Variants in APBA1 observed in about 807,000 individuals in gnomAD.
APBA1 encodes the protein amyloid beta precursor protein binding family A member 1.
Under a neutral mutation model 86.6 loss-of-function variants are expected in APBA1, and 55 were observed. That is an observed-to-expected ratio of 0.64 (90% CI 0.51 to 0.80). APBA1 has a LOEUF of 0.80. Ranked by LOEUF, APBA1 falls within the 30% of genes least tolerant of loss-of-function variation. The pLI is 0.00. For missense variants in APBA1, 1,090 were observed against 1,183.0 expected (o/e 0.92, Z 1.15); for synonymous variants, 511 against 493.9 (o/e 1.03, Z -0.46).
At chr9:69,432,870 C>T (rs1236239229) in intron 11 of APBA1, among the ~76,000 whole-genome samples, 194 bp from the exon 12 acceptor site, 1 of 152,218 alleles carries the variant, frequency 6.6e-6, no homozygotes, top group Non-Finnish European at 1.5e-5. Flanking sequence ...CCACCTTGTT[C>T]ATGCGGCTTG....
intron 2 of APBA1, among the ~76,000 whole-genome samples, chr9:69,486,688 A>G (rs1294403955): frequency 6.6e-6 from 1 of 151,918 alleles, no homozygotes; most frequent in African/African-American, 2.4e-5. Flanking sequence ...GCAGAGGAAG[A>G]TACTGGAAAC....
At chr9:69,467,348 A>T (rs1283542306) in intron 5 of APBA1, among the ~76,000 whole-genome samples, 2 of 152,178 alleles carry the variant, frequency 1.3e-5, no homozygotes, top group Non-Finnish European at 2.9e-5. Flanking sequence ...GCCAGGTTAG[A>T]TTTGATCAAA....
intron 4 of APBA1, among the ~76,000 whole-genome samples, chr9:69,469,192 C>T (rs1480787959): frequency 6.6e-6 from 1 of 152,174 alleles, no homozygotes; most frequent in Non-Finnish European, 1.5e-5. Context: ...ACTGGTACAT[C>T]TGCAGAGACT....
intron 3 of APBA1, chr9:69,472,599 T>TG (rs1426773577): frequency 6.6e-6 from 1 of 152,274 alleles, no homozygotes; most frequent in African/African-American, 2.4e-5. Flanking sequence ...AGGTAAGGTT[T>TG]GCATGGCCAA....
chr9:69,579,200 T>A (rs1174430023), intron 1 of APBA1, among the ~76,000 whole-genome samples: 1 of 152,054 alleles, frequency 6.6e-6, no homozygotes, highest in Admixed American at 6.6e-5. Flanking sequence ...CAGCACCCTA[T>A]ACTCTACATA....
Position 69,458,961 on chromosome 9 carries a change from C to T in APBA1, c.1483-773G>A, listed in dbSNP as rs1041094361. On this transcript the variant is annotated intron_variant, in intron 5 of 12. Transcript: ENST00000265381. Reference sequence around the variant, plus strand: ...AGCTGGGATTATAGGCATGCGCCACCACGCCTGGCTAGTTTTTGTATTTTT... The same window carrying T: ...AGCTGGGATTATAGGCATGCGCCACTACGCCTGGCTAGTTTTTGTATTTTT... Among the ~76,000 whole-genome samples, 4 of 152,276 alleles carry T rather than the reference C, an allele frequency of 2.6e-5. No homozygotes were observed. In the South Asian group the frequency reaches 8.3e-4, roughly 32 times the overall value.
chr9:69,517,555 G>A (rs1176545466), intron 1 of APBA1, among the ~76,000 whole-genome samples: 1 of 152,012 alleles, frequency 6.6e-6, no homozygotes, highest in Non-Finnish European at 1.5e-5. Flanking sequence ...CCACGCATAC[G>A]ATTCAGGTCC....
chr9:69,559,917 T>G (rs944168795), intron 1 of APBA1, among the ~76,000 whole-genome samples: 2 of 152,098 alleles, frequency 1.3e-5, no homozygotes, highest in African/African-American at 4.8e-5. Context: ...TGAGACAATC[T>G]CCCCCAAGCA....
chr9:69,621,680 A>G (rs1226654973), intron 1 of APBA1, among the ~76,000 whole-genome samples: 3 of 109,020 alleles, frequency 2.8e-5, no homozygotes, highest in Non-Finnish European at 5.6e-5. Context: ...ATAAATTCAT[A>G]TATATATCAA....
chr9:69,434,200 A>C (rs1053287354), intron 11 of APBA1, among the ~76,000 whole-genome samples: 5 of 152,216 alleles, frequency 3.3e-5, no homozygotes, highest in Admixed American at 2.6e-4. Context: ...GACTCTGTGC[A>C]GCCAGGGTGG....
At position 69,589,350 on chromosome 9, in the gene APBA1, A is replaced by G. The variant is rs147920649; in HGVS notation, c.-69-72071T>C. Among the ~76,000 whole-genome samples the G allele has an allele frequency of 6.8e-4, 104 of 152,312 alleles. No homozygotes were observed. In the East Asian group the frequency reaches 0.011, roughly 17 times the overall value. On this transcript the variant is annotated intron_variant, in intron 1 of 12. Coordinates refer to ENST00000265381, the MANE Select transcript of APBA1 (RefSeq NM_001163.4). ...TGCTTGATTCCATTGCTCATGGGAAAAGACCAAATGACGTGATGCTAGGCC... is the reference window on the plus strand; with the variant it reads ...TGCTTGATTCCATTGCTCATGGGAAGAGACCAAATGACGTGATGCTAGGCC...
At chr9:69,664,951 C>T (rs1325984613) in intron 1 of APBA1, among the ~76,000 whole-genome samples, 1 of 152,186 alleles carries the variant, frequency 6.6e-6, no homozygotes, top group East Asian at 1.9e-4. Context: ...TACCTCTGTG[C>T]TGTGTTAAAC....
Position 69,456,263 on chromosome 9 carries a change from A to G in APBA1, c.1772T>C (p.Val591Ala), listed in dbSNP as rs1035203109. ...AACCCTTACATCCTCAGACTCGAAG[A>G]CGTGGCAGATCATCTTGTACTGCCT... is the stretch of plus-strand genomic sequence containing the variant. Reference protein sequence around the residue: ...GKRQYKMICHVFESEDAQLIA... With the variant: ...GKRQYKMICHAFESEDAQLIA... Residue 591 changes from valine to alanine, a missense_variant, in exon 8 of 13, where the codon GTC becomes GCC. Coordinates refer to ENST00000265381, the MANE Select transcript of APBA1 (RefSeq NM_001163.4). 6.2e-6 allele frequency: 10 copies of G among 1,614,220 alleles called. No homozygotes were observed. Among genetic ancestry groups the G allele is most frequent in the Non-Finnish European group, 1.7e-6 (2 of 1,180,038 alleles).
At chr9:69,607,580 C>T (rs984688782) in intron 1 of APBA1, among the ~76,000 whole-genome samples, 10 of 152,146 alleles carry the variant, frequency 6.6e-5, no homozygotes, top group Non-Finnish European at 1.5e-4. Flanking sequence ...CTAAGCTTTA[C>T]CCTATGCACT....
At chr9:69,515,871 A>G (rs751208639) in intron 2 of APBA1, 140 bp downstream of exon 2, 9 of 870,068 alleles carry the variant, frequency 1.0e-5, no homozygotes, top group Non-Finnish European at 1.5e-5. Context: ...GCTGTTTCTG[A>G]GGCTTACGGT....
chr9:69,435,044 T>C (rs1414227186), intron 11 of APBA1, among the ~76,000 whole-genome samples: 1 of 148,940 alleles, frequency 6.7e-6, no homozygotes, highest in African/African-American at 2.5e-5. Context: ...GAACATGCAG[T>C]GTTGGTTTTT....
At chr9:69,534,339 G>A (rs1317263158) in intron 1 of APBA1, among the ~76,000 whole-genome samples, 1 of 152,104 alleles carries the variant, frequency 6.6e-6, no homozygotes, top group Non-Finnish European at 1.5e-5. Context: ...CTGGGACCAT[G>A]GTTAGTTCTA....
intron 1 of APBA1, among the ~76,000 whole-genome samples, chr9:69,616,653 A>C (rs1414681083): frequency 6.6e-6 from 1 of 152,028 alleles, no homozygotes; most frequent in South Asian, 2.1e-4. Context: ...CCTGAAAAAC[A>C]CTCCCTCCAA....
intron 7 of APBA1, among the ~76,000 whole-genome samples, chr9:69,456,748 T>C (rs1406324354): frequency 6.6e-6 from 1 of 151,800 alleles, no homozygotes; most frequent in African/African-American, 2.4e-5. Flanking sequence ...TTTGTGTGCG[T>C]GAATGTAAGA....
Sources: allele counts gnomAD v4.1 joint callset (sites outside exome capture counted in the v4.1 genomes callset), GRCh38; gene constraint gnomAD v4.1.1; transcripts MANE v1.5; gene names NCBI Gene and HGNC (gene_info 2026-07-23, HGNC 2026-07-21).